The following IMPA2 variants were observed in gnomAD, a reference collection of about 807,000 sequenced individuals.
The protein encoded by IMPA2 is inositol monophosphatase 2.
In IMPA2, 32 loss-of-function variants were observed where a neutral mutation model predicts 35.1. That is an observed-to-expected ratio of 0.91 (90% confidence interval 0.69 to 1.23). The LOEUF is 1.23. Among genes scored for constraint, IMPA2 ranks in the 50% most tolerant of loss-of-function variants. The pLI is 0.00. For synonymous variants in IMPA2, 135 were observed against 160.6 expected (o/e 0.84, Z 1.20); for missense variants, 334 against 387.6 (o/e 0.86, Z 1.16).
chr18:12,022,941 A>ATTTTTTTTTTTTTTTT (rs35737614), intron 5 of IMPA2, among the ~76,000 whole-genome samples: 36 of 81,690 alleles, frequency 4.4e-4, no homozygotes, highest in East Asian at 8.0e-4. Context: ...CGCCTGCCTA[A>ATTTTTTTTTTTTTTTT]TTTTTTTTTT....
At position 11,991,340 on chromosome 18, in the gene IMPA2, G is replaced by A. The variant is rs1387137447; in HGVS notation, c.97-7714G>A. 6.6e-6 allele frequency among the ~76,000 whole-genome samples: 1 copy of A among 152,182 alleles called. No homozygotes were observed. The highest frequency in any genetic ancestry group is 1.5e-5 in the Non-Finnish European group (1 of 68,032). ...AGACTAAAGGAGGCGTTGAGGATTC[G>A]AGAGCCTGAGGTGGGCTGGCCTGGG... On this transcript the variant is annotated intron_variant, in intron 1 of 7. Transcript: ENST00000269159. The surrounding 1 kb of genome is among the most constrained non-coding windows in gnomAD (Gnocchi z 4.1).
In IMPA2 at chr18:12,014,256, C is replaced by A; in HGVS notation, c.382-9C>A. ...TCTTTGTTTTCTGTCCTGCCTCTGC[C>A]GCCCACAGCTTGAATTCGGAGTGAT... On this transcript the variant is annotated splice_polypyrimidine_tract_variant and intron_variant, in intron 4 of 7. Transcript: ENST00000269159. 6.2e-7 allele frequency: 1 copy of A among 1,604,500 alleles called. No individual in the cohort carries two copies. The highest frequency in any genetic ancestry group is 8.5e-7 in the Non-Finnish European group (1 of 1,171,466).
chr18:11,982,547 C>G (rs569499737), intron 1 of IMPA2, among the ~76,000 whole-genome samples: 1 of 152,294 alleles, frequency 6.6e-6, no homozygotes, highest in Admixed American at 6.5e-5. Context: ...GTAATCCCAG[C>G]ACTTTGGGAG....
chr18:12,028,329 T>C (rs1469650983), intron 6 of IMPA2, 178 bp downstream of exon 6: 2 of 584,360 alleles, frequency 3.4e-6, no homozygotes, highest in Admixed American at 3.0e-5. Context: ...GATACTCCTA[T>C]AGCCAGGCCT....
chr18:11,995,490 T>C (rs1348472287), intron 1 of IMPA2, among the ~76,000 whole-genome samples: 3 of 152,258 alleles, frequency 2.0e-5, no homozygotes, highest in Admixed American at 6.5e-5. Context: ...AAGGGGAGAC[T>C]GGACGTTTGG....
chr18:11,997,639 T>C (rs1483656705), intron 1 of IMPA2, among the ~76,000 whole-genome samples: 6 of 152,108 alleles, frequency 3.9e-5, no homozygotes, highest in African/African-American at 1.4e-4. Flanking sequence ...TTCTGTAGAA[T>C]TCCCCGTGTG....
chr18:12,001,421 G>C (rs1428734404), intron 2 of IMPA2, among the ~76,000 whole-genome samples: 1 of 152,030 alleles, frequency 6.6e-6, no homozygotes, highest in African/African-American at 2.4e-5. Flanking sequence ...GCTCATCTGC[G>C]TGGGGTCTGG....
chr18:11,995,452 A>C (rs55638894), intron 1 of IMPA2, among the ~76,000 whole-genome samples: 1 of 152,162 alleles, frequency 6.6e-6, no homozygotes, highest in African/African-American at 2.4e-5. Flanking sequence ...GCTTGCTCCA[A>C]CTTGGAGGTT....
At chr18:12,006,610 G>A (rs967615258) in intron 2 of IMPA2, among the ~76,000 whole-genome samples, 1 of 152,176 alleles carries the variant, frequency 6.6e-6, no homozygotes, top group Non-Finnish European at 1.5e-5. Flanking sequence ...CTGCTTATTC[G>A]TGGGTTTCTC....
rs1907940243 is a variant in IMPA2 at position 12,028,315 on chromosome 18, A to C, written c.599+164A>C. ...GAAGCCCTGTGAGGGGCCCGCCTGC[A>C]GTAGATACTCCTATAGCCAGGCCTC... On this transcript the variant is annotated intron_variant, in intron 6 of 7. Transcript: ENST00000269159. 8.2e-6 allele frequency: 5 copies of C among 606,292 alleles called. No homozygotes were observed. In the East Asian group the frequency reaches 1.4e-4, roughly 17 times the overall value. The allele number at this position is 606,292 out of a possible 1,614,324, so 37.6% of individuals were successfully genotyped here.
chr18:12,019,859 C>T (rs1163986827), intron 5 of IMPA2, among the ~76,000 whole-genome samples: 2 of 151,622 alleles, frequency 1.3e-5, no homozygotes, highest in Non-Finnish European at 1.5e-5. Context: ...GTGTTAGATA[C>T]GATTTTTCAA....
At chr18:11,992,825 G>A (rs923267724) in intron 1 of IMPA2, among the ~76,000 whole-genome samples, 2 of 152,168 alleles carry the variant, frequency 1.3e-5, no homozygotes, top group Non-Finnish European at 2.9e-5. Flanking sequence ...GTGCTCCCTC[G>A]CCCTGTGGAC....
Position 11,997,017 on chromosome 18 carries a change from G to C in IMPA2, c.97-2037G>C, listed in dbSNP as rs145639061. Among the ~76,000 whole-genome samples the C allele has an allele frequency of 1.3e-3, 199 of 151,202 alleles. 1 individual carries two copies. Among genetic ancestry groups the C allele is most frequent in the African/African-American group, 4.2e-3 (173 of 41,018 alleles). On this transcript the variant is annotated intron_variant, in intron 1 of 7. Transcript: ENST00000269159. ...CCACAGCAACACACACACACACACA[G>C]AGATACACACAGAGACACACACCCT...
rs529681909 is a variant in IMPA2, at chr18:12,026,889, G to C, written c.491-1154G>C. 5.3e-5 allele frequency among the ~76,000 whole-genome samples: 8 copies of C among 152,370 alleles called. No homozygotes were observed. The South Asian group carries it at 1.7e-3, about 32-fold the overall frequency. ...GGCATGGCCGGCGGTGAATGATCTG[G>C]ACCTCCTGAGGGCAGGCAGGTTGCT... On this transcript the variant is annotated intron_variant, in intron 5 of 7. Coordinates refer to ENST00000269159, the MANE Select transcript of IMPA2 (RefSeq NM_014214.3).
At chr18:12,015,944 G>C (rs182249076) in intron 5 of IMPA2, among the ~76,000 whole-genome samples, 1 of 152,146 alleles carries the variant, frequency 6.6e-6, no homozygotes, top group African/African-American at 2.4e-5. Flanking sequence ...GCAACTCTGC[G>C]TCCTCCCAGC....
At chr18:12,006,573 G>A (rs1907252887) in intron 2 of IMPA2, among the ~76,000 whole-genome samples, 1 of 152,208 alleles carries the variant, frequency 6.6e-6, no homozygotes, top group Non-Finnish European at 1.5e-5. Context: ...GGCTTGACTT[G>A]ACCTGGTCTT....
rs568311230 is a variant in IMPA2 at position 12,030,406 on chromosome 18, T to C, written c.815T>C (p.Leu272Pro). Residue 272 changes from leucine (L) to proline (P), a missense_variant, in exon 8 of 8, where the codon CTC (leucine) becomes CCC (proline). Physicochemically the swap from Leu to Pro is moderately conservative, Grantham distance 98. Coordinates refer to ENST00000269159, the MANE Select transcript of IMPA2 (RefSeq NM_014214.3). ...GCCAGCACCCGGGAGATGGCGATGC[T>C]CATAGCTCAGGCCTTACAGACGATT... ...VAASTREMAM[L>P]IAQALQTINY... 6.2e-7 allele frequency: 1 copy of C among 1,614,198 alleles called. No homozygotes were observed. Among genetic ancestry groups the C allele is most frequent in the East Asian group, 2.2e-5 (1 of 44,890 alleles).
At chr18:12,003,164 C>T (rs902743503) in intron 2 of IMPA2, among the ~76,000 whole-genome samples, 2 of 151,938 alleles carry the variant, frequency 1.3e-5, no homozygotes, top group Non-Finnish European at 2.9e-5. Flanking sequence ...CACTGCACTC[C>T]AGCCTGGGGA....
At chr18:11,992,908 T>C (rs590100) in intron 1 of IMPA2, among the ~76,000 whole-genome samples, 59,020 of 152,110 alleles carry the variant, frequency 0.39, 13,095 homozygotes, top group East Asian at 0.61. Flanking sequence ...TTTTCCTCAC[T>C]TTTTCTCTTA....
Sources: allele counts gnomAD v4.1 joint callset (sites outside exome capture counted in the v4.1 genomes callset), GRCh38; gene constraint gnomAD v4.1.1; non-coding constraint Gnocchi (gnomAD v3.1); transcripts MANE v1.5; gene names NCBI Gene and HGNC (gene_info 2026-07-23, HGNC 2026-07-21).